AMOTL1: variants seen among roughly 807,000 people sequenced by gnomAD.
AMOTL1 encodes angiomotin-like protein 1.
Under a neutral mutation model 102.9 loss-of-function variants are expected in AMOTL1, and 45 were observed. The ratio of observed to expected loss-of-function variants is 0.44; its 90% CI spans 0.34 to 0.56. The LOEUF is 0.56. Among genes scored for constraint, AMOTL1 ranks in the 20% least tolerant of loss-of-function variants. The probability of loss-of-function intolerance (pLI) is 0.01; values close to 1 mark genes in which losing one functional copy is unlikely to be tolerated. For synonymous variants in AMOTL1, 481 were observed against 484.7 expected (o/e 0.99, Z 0.10); for missense variants, 1,114 against 1,225.6 (o/e 0.91, Z 1.36).
At chr11:94,745,048 T>C (rs548827198) in intron 3 of AMOTL1, among the ~76,000 whole-genome samples, 1 of 152,320 alleles carries the variant, frequency 6.6e-6, no homozygotes, top group African/African-American at 2.4e-5. Flanking sequence ...TTTATTTTCC[T>C]TGACCTGCTA....
At chr11:94,796,034 G>A (rs2135563024) in intron 2 of AMOTL1, among the ~76,000 whole-genome samples, 1 of 152,078 alleles carries the variant, frequency 6.6e-6, no homozygotes, top group East Asian at 1.9e-4. Flanking sequence ...TCTTTCCTTG[G>A]GTAGTTAATG....
intron 8 of AMOTL1, among the ~76,000 whole-genome samples, chr11:94,856,556 G>A (rs1292643605): frequency 3.3e-5 from 5 of 152,078 alleles, no homozygotes. Context: ...GGGGATCCAG[G>A]GCCTCTCTGA....
At chr11:94,860,065 ATAATT>A (rs1952745348) in intron 9 of AMOTL1, among the ~76,000 whole-genome samples, 1 of 152,228 alleles carries the variant, frequency 6.6e-6, no homozygotes, top group African/African-American at 2.4e-5. Context: ...GGTTCATTTA[ATAATT>A]TAAAGTACAT....
chr11:94,864,474 G>A (rs912412130), intron 9 of AMOTL1, among the ~76,000 whole-genome samples: 1 of 152,108 alleles, frequency 6.6e-6, no homozygotes, highest in African/African-American at 2.4e-5. Flanking sequence ...AGGAAAAGTG[G>A]GTGAAGGAGT....
At chr11:94,827,782 C>T (rs967178788) in intron 4 of AMOTL1, among the ~76,000 whole-genome samples, 1 of 152,216 alleles carries the variant, frequency 6.6e-6, no homozygotes, top group African/African-American at 2.4e-5. Context: ...GTTCATCAGC[C>T]TCTTCTCAGC....
chr11:94,829,953 A>T, intron 4 of AMOTL1, 97 bp from the exon 5 acceptor site: 1 of 1,243,506 alleles, frequency 8.0e-7, no homozygotes, highest in Non-Finnish European at 1.1e-6. Context: ...TGCATTGAAG[A>T]TACAGCCTTC....
chr11:94,840,681 T>TATATATACACACAC (rs1166713705), intron 6 of AMOTL1, among the ~76,000 whole-genome samples: 4 of 104,782 alleles, frequency 3.8e-5, no homozygotes, highest in African/African-American at 1.6e-4. Context: ...TATATATATA[T>TATATATACACACAC]ACACACACAC....
rs1186486827 is a variant in AMOTL1 at position 94,799,997 on chromosome 11, C to T, written c.807C>T (p.Ser269=). ...TCAGCGAGAGAATCATGCAGCTGTCCCTGGAGAGGAATGGGGCCAAGCAAC... is the reference window on the plus strand; with the variant it reads ...TCAGCGAGAGAATCATGCAGCTGTCTCTGGAGAGGAATGGGGCCAAGCAAC... ...RSLSERIMQL[S]LERNGAKQHL... Residue 269 remains serine, a synonymous_variant, in exon 3 of 13, where the codon TCC becomes TCT. Transcript: ENST00000433060. This position sits in a 1 kb window ranked among gnomAD's most constrained non-coding sequence, Gnocchi z 4.5. 2 of 1,614,012 alleles carry T rather than the reference C, an allele frequency of 1.2e-6. No individual in the cohort carries two copies. The highest frequency in any genetic ancestry group is 1.7e-6 in the Non-Finnish European group (2 of 1,179,900).
chr11:94,802,512 G>A (rs1951497417), intron 3 of AMOTL1, among the ~76,000 whole-genome samples: 1 of 152,240 alleles, frequency 6.6e-6, no homozygotes, highest in Non-Finnish European at 1.5e-5. Context: ...GTGATGTGAG[G>A]TGGGAGAAAT....
At chr11:94,728,079 G>T (rs1249770444) in intron 1 of AMOTL1, among the ~76,000 whole-genome samples, 2 of 152,210 alleles carry the variant, frequency 1.3e-5, no homozygotes, top group African/African-American at 4.8e-5. Context: ...CTACTGTGTG[G>T]ATGTCCCACT....
chr11:94,755,342 A>G (rs1950708929), intron 3 of AMOTL1, among the ~76,000 whole-genome samples: 1 of 152,084 alleles, frequency 6.6e-6, no homozygotes, highest in Admixed American at 6.5e-5. Context: ...TCCATTTTGG[A>G]GAGTCAGAGC....
At chr11:94,716,723 A>G (rs2135436485) in intron 1 of AMOTL1, among the ~76,000 whole-genome samples, 1 of 152,198 alleles carries the variant, frequency 6.6e-6, no homozygotes, top group African/African-American at 2.4e-5. Context: ...GGATTGGCCT[A>G]CCTGTTGTCT....
At chr11:94,864,977 C>T in intron 10 of AMOTL1, 117 bp downstream of exon 10, 1 of 1,363,936 alleles carries the variant, frequency 7.3e-7, no homozygotes, top group Non-Finnish European at 9.7e-7. Context: ...TCTCCAAAAA[C>T]TCTCCTCCCC....
At position 94,821,565 on chromosome 11, in the gene AMOTL1, A is replaced by G; in HGVS notation, c.1157A>G (p.Gln386Arg). The part of the protein sequence containing the change: ...PCQLPFPSTM[Q>R]QHSPMSSQTS... ...CAACTTCCGTTCCCATCAACCATGCAGCAGCACAGCCCCATGTCCTCCCAG... is the reference window on the plus strand; with the variant it reads ...CAACTTCCGTTCCCATCAACCATGCGGCAGCACAGCCCCATGTCCTCCCAG... The change falls in exon 4 of 13, where the codon CAG (glutamine) becomes CGG (arginine). Residue 386 changes from glutamine (Q) to arginine (R), a missense_variant. Transcript: ENST00000433060. 6.2e-7 allele frequency: 1 copy of G among 1,613,806 alleles called. No individual in the cohort carries two copies.
intron 6 of AMOTL1, among the ~76,000 whole-genome samples, chr11:94,838,137 G>T (rs1457910250): frequency 2.0e-5 from 3 of 152,186 alleles, no homozygotes; most frequent in Admixed American, 6.5e-5. Context: ...CATCACAACT[G>T]TAAATAAGTA....
At chr11:94,795,473 A>G (rs1266322795) in intron 2 of AMOTL1, among the ~76,000 whole-genome samples, 5 of 152,062 alleles carry the variant, frequency 3.3e-5, no homozygotes, top group Admixed American at 3.3e-4. Flanking sequence ...CTTTCTCAGA[A>G]TCTCATTTCT....
intron 3 of AMOTL1, among the ~76,000 whole-genome samples, chr11:94,802,641 T>C (rs12273078): frequency 3.0e-4 from 45 of 152,190 alleles, no homozygotes; most frequent in Non-Finnish European, 5.7e-4. Flanking sequence ...CTGGTTAATA[T>C]GACGCATCAA....
At chr11:94,825,066 G>A (rs571658763) in intron 4 of AMOTL1, among the ~76,000 whole-genome samples, 1 of 152,284 alleles carries the variant, frequency 6.6e-6, no homozygotes, top group South Asian at 2.1e-4. Context: ...AAGAGATGAT[G>A]TTTTCAGTCT....
At chr11:94,765,273 G>A (rs1950842419), upstream of AMOTL1, among the ~76,000 whole-genome samples, 1 of 152,176 alleles carries the variant, frequency 6.6e-6, no homozygotes, top group Non-Finnish European at 1.5e-5. Context: ...TCACTACCTT[G>A]CTGTTAGTGA....
Sources: allele counts gnomAD v4.1 joint callset (sites outside exome capture counted in the v4.1 genomes callset), GRCh38; gene constraint gnomAD v4.1.1; non-coding constraint Gnocchi (gnomAD v3.1); transcripts MANE v1.5; gene names NCBI Gene and HGNC (gene_info 2026-07-23, HGNC 2026-07-21).